Variants in RFX2 observed in about 807,000 individuals in gnomAD.
RFX2 encodes the protein regulatory factor X2, also known as DNA-binding protein RFX2.
Under a neutral mutation model 87.8 loss-of-function variants are expected in RFX2, and 20 were observed. The observed-to-expected ratio is 0.23, with a 90% confidence interval of 0.16 to 0.33. RFX2 has a LOEUF of 0.33. RFX2 is among the 10% of genes least tolerant of loss of function. The pLI is 1.00. For missense variants in RFX2, 767 were observed against 1,012.3 expected, an observed-to-expected ratio of 0.76 and a Z score of 3.29; for synonymous variants, 397 against 431.3, an observed-to-expected ratio of 0.92 and a Z score of 0.98.
chr19:5,994,649 C>A lies in RFX2; in HGVS notation c.*186G>T. On this transcript the variant is annotated 3_prime_UTR_variant, in exon 18 of 18. Coordinates refer to ENST00000303657, the MANE Select transcript of RFX2 (RefSeq NM_000635.4). Reference sequence around the variant, plus strand: ...CAGCTACAGCCAGTGGGAGCCCTGGCCTGGGCTTCTGTAGCTTCAACAACT... The same window carrying A: ...CAGCTACAGCCAGTGGGAGCCCTGGACTGGGCTTCTGTAGCTTCAACAACT... 1 of 590,318 alleles carries A rather than the reference C, an allele frequency of 1.7e-6. No individual in the cohort carries two copies. The highest frequency in any genetic ancestry group is 2.8e-5 in the East Asian group (1 of 35,718). 36.6% of individuals were successfully genotyped at this position (590,318 alleles called of 1,614,324 possible). A position where few individuals can be genotyped will look rare whatever the true frequency, so the allele number is the denominator to read the frequency against.
rs778812842 is a variant in RFX2, at chr19:6,021,033, C to T, written c.598-4762G>A. 2.0e-5 allele frequency among the ~76,000 whole-genome samples: 3 copies of T among 152,240 alleles called. No homozygotes were observed. The highest frequency in any genetic ancestry group is 4.4e-5 in the Non-Finnish European group (3 of 68,046). On this transcript the variant is annotated intron_variant, in intron 6 of 17. Transcript: ENST00000303657. This position sits in a 1 kb window ranked among gnomAD's most constrained non-coding sequence, Gnocchi z 5.7. ...AGCCCCTGTGGACAGATATCCTCAC[C>T]TGCCGGTGGGAAGGCAGGGATCATG...
Position 6,047,459 on chromosome 19 carries a change from G to A in RFX2, c.38C>T (p.Ser13Phe). 1 of 1,607,104 alleles carries A rather than the reference G, an allele frequency of 6.2e-7. No individual in the cohort carries two copies. The highest frequency in any genetic ancestry group is 8.5e-7 in the Non-Finnish European group (1 of 1,176,894). The change falls in exon 2 of 18, where the codon TCC becomes TTC. Residue 13 changes from serine (S) to phenylalanine (F), a missense_variant. By Grantham distance (155) the Ser-to-Phe change is radical. Transcript: ENST00000303657. This position sits in a 1 kb window ranked among gnomAD's most constrained non-coding sequence, Gnocchi z 4.2. ...TGCCGCCGAGGGACGCAGAGCCACGGACGCTGGCGAATCCGCTCCACCCTC... is the reference window on the plus strand; with the variant it reads ...TGCCGCCGAGGGACGCAGAGCCACGAACGCTGGCGAATCCGCTCCACCCTC... ...NSEGGADSPA[S>F]VALRPSAAAP...
intron 1 of RFX2, among the ~76,000 whole-genome samples, chr19:6,088,653 T>C (rs1473910476): frequency 1.3e-5 from 2 of 152,122 alleles, no homozygotes; most frequent in African/African-American, 2.4e-5. Flanking sequence ...CTCTCTCTCT[T>C]AGAGAAAGCA....
chr19:6,040,485 C>A lies in RFX2; in HGVS notation c.261-244G>T, dbSNP rs1338734192. Among the ~76,000 whole-genome samples the A allele has an allele frequency of 1.3e-5, 2 of 152,170 alleles. No individual in the cohort carries two copies. The highest frequency in any genetic ancestry group is 2.4e-5 in the African/African-American group (1 of 41,448). On this transcript the variant is annotated intron_variant, in intron 4 of 17. Transcript: ENST00000303657. This position sits in a 1 kb window ranked among gnomAD's most constrained non-coding sequence, Gnocchi z 6.1. ...GACCACTTAAAAATTCTAGGCCAGG[C>A]GTGGTGGCTCACGCCTGTAATCCCA...
intron 1 of RFX2, among the ~76,000 whole-genome samples, chr19:6,071,779 C>T (rs1263683641): frequency 3.9e-5 from 6 of 152,166 alleles, no homozygotes; most frequent in African/African-American, 1.2e-4. Flanking sequence ...TAAGAAGATA[C>T]ACTAAAATCA....
At chr19:6,029,217 T>C (rs1463648001) in intron 5 of RFX2, among the ~76,000 whole-genome samples, 1 of 151,586 alleles carries the variant, frequency 6.6e-6, no homozygotes, top group East Asian at 1.9e-4. Context: ...TGTTAAACTA[T>C]TCAAAATATC....
At position 6,036,640 on chromosome 19, in the gene RFX2, T is replaced by C. The variant is rs536804882; in HGVS notation, c.522+3340A>G. ...TAACACCCCAATGAAGACAAAAATATGCTGATGCTTACATATGTAAAAAAA... is the reference window on the plus strand; with the variant it reads ...TAACACCCCAATGAAGACAAAAATACGCTGATGCTTACATATGTAAAAAAA... On this transcript the variant is annotated intron_variant, in intron 5 of 17. Transcript: ENST00000303657. Among the ~76,000 whole-genome samples, 8 of 152,318 alleles carry C rather than the reference T, an allele frequency of 5.3e-5. No homozygotes were observed. In the East Asian group the frequency reaches 1.4e-3, roughly 26 times the overall value.
intron 1 of RFX2, among the ~76,000 whole-genome samples, chr19:6,099,060 T>C (rs923491999): frequency 6.6e-6 from 1 of 151,742 alleles, no homozygotes; most frequent in Non-Finnish European, 1.5e-5. Context: ...GAGAATTCAT[T>C]GGTTCAACAA....
rs541619919 is a variant in RFX2, at chr19:6,024,434, G to A, written c.597+1729C>T. Among the ~76,000 whole-genome samples, 1 of 152,336 alleles carries A rather than the reference G, an allele frequency of 6.6e-6. No homozygotes were observed. Among genetic ancestry groups the A allele is most frequent in the East Asian group, 1.9e-4 (1 of 5,186 alleles). ...AGCCTGGAGAGGGGCGGGGCACTGA[G>A]CAGGGGTCTGGCATGGTGTTTGTTT... On this transcript the variant is annotated intron_variant, in intron 6 of 17. Transcript: ENST00000303657. The surrounding 1 kb of genome is among the most constrained non-coding windows in gnomAD (Gnocchi z 5.0).
At chr19:6,005,046 G>A (rs2086561491) in intron 12 of RFX2, among the ~76,000 whole-genome samples, 1 of 152,138 alleles carries the variant, frequency 6.6e-6, no homozygotes, top group South Asian at 2.1e-4. Context: ...TTGAACCCAG[G>A]AGGCAAAGAC....
chr19:6,019,441 G>A (rs752433668), intron 6 of RFX2, among the ~76,000 whole-genome samples: 15 of 151,324 alleles, frequency 9.9e-5, no homozygotes, highest in Non-Finnish European at 1.3e-4. Flanking sequence ...TAAGAGCTCC[G>A]GAGTCTTCCC....
chr19:6,008,527 G>A (rs1328996594), intron 9 of RFX2, among the ~76,000 whole-genome samples: 1 of 151,268 alleles, frequency 6.6e-6, no homozygotes, highest in African/African-American at 2.4e-5. Flanking sequence ...TGGGCGCCAC[G>A]ATGCCAGCTA....
intron 9 of RFX2, 79 bp from the exon 10 acceptor site, chr19:6,008,303 G>T: frequency 1.3e-6 from 1 of 793,150 alleles, no homozygotes; most frequent in Admixed American, 3.0e-5. Context: ...ACGGTGGATG[G>T]GGGCCCAGAA....
At chr19:5,996,636 C>T (rs1033669863) in intron 16 of RFX2, among the ~76,000 whole-genome samples, 4 of 152,226 alleles carry the variant, frequency 2.6e-5, no homozygotes, top group South Asian at 2.1e-4. Flanking sequence ...GCCAGCTGCA[C>T]GTTGTGGATG....
Position 6,061,148 on chromosome 19 carries a change from C to A in RFX2, c.-8-13644G>T, listed in dbSNP as rs536125413. On this transcript the variant is annotated intron_variant, in intron 1 of 17. Coordinates refer to ENST00000303657, the MANE Select transcript of RFX2 (RefSeq NM_000635.4). The surrounding 1 kb of genome is among the most constrained non-coding windows in gnomAD (Gnocchi z 5.2). ...TGCCTCCCCCTTCCTTCCGCTCCTGCTGCTACTATTTCAGTGAGCCCCTGC... is the reference window on the plus strand; with the variant it reads ...TGCCTCCCCCTTCCTTCCGCTCCTGATGCTACTATTTCAGTGAGCCCCTGC... Among the ~76,000 whole-genome samples, 2 of 152,308 alleles carry A rather than the reference C, an allele frequency of 1.3e-5. No homozygotes were observed. The highest frequency in any genetic ancestry group is 2.9e-5 in the Non-Finnish European group (2 of 68,030).
chr19:6,108,036 G>T (rs1231226277), intron 1 of RFX2, among the ~76,000 whole-genome samples: 1 of 152,158 alleles, frequency 6.6e-6, no homozygotes, highest in Non-Finnish European at 1.5e-5. Context: ...TGGTTTATAA[G>T]AAAGAACTTA....
At chr19:6,092,153 A>T (rs575383819) in intron 1 of RFX2, among the ~76,000 whole-genome samples, 1 of 152,380 alleles carries the variant, frequency 6.6e-6, no homozygotes, top group South Asian at 2.1e-4. Context: ...GGATTAGGTC[A>T]CAGGAATTCT....
chr19:6,068,946 T>C (rs2087554679), intron 1 of RFX2, among the ~76,000 whole-genome samples: 1 of 151,988 alleles, frequency 6.6e-6, no homozygotes, highest in Non-Finnish European at 1.5e-5. Flanking sequence ...CTGTGAGCCA[T>C]GGAGGGGCAA....
In RFX2 at chr19:6,013,769, T is replaced by A. The variant is rs994372461; in HGVS notation, c.780-664A>T. On this transcript the variant is annotated intron_variant, in intron 7 of 17. Coordinates refer to ENST00000303657, the MANE Select transcript of RFX2 (RefSeq NM_000635.4). The surrounding 1 kb of genome is among the most constrained non-coding windows in gnomAD (Gnocchi z 4.1). ...TCTTGACCTTTCACTTTGGCCTCTC[T>A]GGTTCAGCATTTCCTGAACTGTGTG... 6.6e-5 allele frequency among the ~76,000 whole-genome samples: 10 copies of A among 152,220 alleles called. No homozygotes were observed. Among genetic ancestry groups the A allele is most frequent in the African/African-American group, 2.4e-4 (10 of 41,452 alleles).
Sources: gnomAD v4.1 joint callset for allele counts (sites outside exome capture counted in the v4.1 genomes callset) on GRCh38, gnomAD v4.1.1 for gene constraint, Gnocchi (gnomAD v3.1) non-coding constraint, MANE v1.5 for transcripts, NCBI Gene and HGNC (gene_info 2026-07-23, HGNC 2026-07-21) for gene names.